RASGRF1: variants seen among roughly 807,000 people sequenced by gnomAD.
RASGRF1 encodes Ras protein specific guanine nucleotide releasing factor 1.
A neutral mutation model predicts 138.7 loss-of-function variants in RASGRF1; 40 were observed. That is an observed-to-expected ratio of 0.29 (90% CI 0.22 to 0.38). The LOEUF is 0.38. Ranked by LOEUF, RASGRF1 falls within the 10% of genes least tolerant of loss-of-function variation. The pLI is 1.00. For synonymous variants in RASGRF1, 614 were observed against 663.2 expected (o/e 0.93, Z 1.14); for missense variants, 1,108 against 1,650.4 (o/e 0.67, Z 5.69).
chr15:79,010,187 C>T (rs2056769004), intron 13 of RASGRF1, among the ~76,000 whole-genome samples: 1 of 152,012 alleles, frequency 6.6e-6, no homozygotes, highest in South Asian at 2.1e-4. Context: ...CAGGCATGCA[C>T]CACAATGACC....
chr15:79,013,744 C>T (rs1399834709), intron 13 of RASGRF1, among the ~76,000 whole-genome samples: 3 of 152,026 alleles, frequency 2.0e-5, no homozygotes, highest in Non-Finnish European at 4.4e-5. Context: ...GGGGGTTAGG[C>T]GTGCAGGTGA....
chr15:78,973,370 G>A lies in RASGRF1; in HGVS notation c.3545C>T (p.Ala1182Val). The change falls in exon 25 of 27, where the codon GCC becomes GTC. Residue 1182 changes from alanine to valine, a missense_variant. Coordinates refer to ENST00000558480, the MANE Select transcript of RASGRF1 (RefSeq NM_001145648.3). The surrounding 1 kb of genome is among the most constrained non-coding windows in gnomAD (Gnocchi z 4.9). ...PYLGMYLTDL[A>V]FIEEGTPNYT... ...ATTGGGCGTCCCCTCCTCGATGAAG[G>A]CCAGGTCGGTGAGGTACATCCCCAG... 1.9e-6 allele frequency: 3 copies of A among 1,613,952 alleles called. No homozygotes were observed. The highest frequency in any genetic ancestry group is 2.5e-6 in the Non-Finnish European group (3 of 1,179,904).
At chr15:79,020,013 C>T (rs2056937012) in intron 11 of RASGRF1, 28 bp downstream of exon 11, 2 of 1,612,358 alleles carry the variant, frequency 1.2e-6, no homozygotes, top group African/African-American at 2.7e-5. Context: ...CAAGCACACA[C>T]ATGCGCACAT....
chr15:78,985,775 A>T (rs1056524864), intron 22 of RASGRF1: 5 of 152,396 alleles, frequency 3.3e-5, no homozygotes, highest in Admixed American at 1.3e-4. Context: ...CACAAAAAAA[A>T]TTAGCTGGGC....
chr15:79,039,322 A>G (rs1245427286), intron 5 of RASGRF1, among the ~76,000 whole-genome samples: 3 of 140,076 alleles, frequency 2.1e-5, no homozygotes, highest in African/African-American at 5.4e-5. Context: ...AAAAAAAAAA[A>G]GAAAAATTCT....
chr15:79,021,982 C>CTT (rs111610063), intron 10 of RASGRF1, among the ~76,000 whole-genome samples: 5,421 of 152,272 alleles, frequency 0.036, 239 homozygotes, highest in African/African-American at 0.11. Flanking sequence ...CTCCTCACAG[C>CTT]ACTCCTGTAA....
chr15:78,964,006 T>C (rs543089940), intron 26 of RASGRF1, among the ~76,000 whole-genome samples: 2 of 152,188 alleles, frequency 1.3e-5, no homozygotes, highest in African/African-American at 4.8e-5. Context: ...TCAATTTTAG[T>C]AGAGACGGGG....
chr15:78,992,658 G>A (rs950254954), intron 20 of RASGRF1, among the ~76,000 whole-genome samples: 6 of 152,158 alleles, frequency 3.9e-5, no homozygotes, highest in Admixed American at 2.6e-4. Flanking sequence ...GGAGGAGAGC[G>A]GTCAACCCCT....
intron 12 of RASGRF1, among the ~76,000 whole-genome samples, chr15:79,015,621 T>G (rs116885677): frequency 0.011 from 1,690 of 152,372 alleles, 17 homozygotes; most frequent in Middle Eastern, 0.02. Flanking sequence ...CTTGGGGAAC[T>G]TACTTGACCT....
At chr15:79,013,551 T>C (rs974886225) in intron 13 of RASGRF1, among the ~76,000 whole-genome samples, 3 of 152,252 alleles carry the variant, frequency 2.0e-5, no homozygotes, top group African/African-American at 7.2e-5. Context: ...AGAGCATGTA[T>C]GTGAAGTAGC....
intron 1 of RASGRF1, among the ~76,000 whole-genome samples, chr15:79,074,613 C>T (rs2057807604): frequency 6.6e-6 from 1 of 152,158 alleles, no homozygotes; most frequent in South Asian, 2.1e-4. Flanking sequence ...CTGCATGGGC[C>T]AACTCAGAGC....
chr15:79,003,771 G>T (rs776354996), intron 15 of RASGRF1, 31 bp downstream of exon 15: 1 of 1,552,258 alleles, frequency 6.4e-7, no homozygotes, highest in Non-Finnish European at 8.7e-7. Flanking sequence ...CTGGGAGGCT[G>T]GGGGGCAGCT....
chr15:79,067,720 G>A (rs1174735275), intron 1 of RASGRF1, among the ~76,000 whole-genome samples: 1 of 152,188 alleles, frequency 6.6e-6, no homozygotes, highest in African/African-American at 2.4e-5. Flanking sequence ...TGGACTTTGG[G>A]TAGCAAGTAA....
intron 5 of RASGRF1, among the ~76,000 whole-genome samples, chr15:79,040,475 G>C (rs2057283012): frequency 6.6e-6 from 1 of 152,184 alleles, no homozygotes; most frequent in Non-Finnish European, 1.5e-5. Context: ...TGTAGGAACT[G>C]CCTCTGTCTG....
At chr15:79,059,371 A>ACCC in intron 2 of RASGRF1, among the ~76,000 whole-genome samples, 3 of 13,750 alleles carry the variant, frequency 2.2e-4, no homozygotes, top group Admixed American at 7.8e-4. Context: ...TCCCTTCCCA[A>ACCC]TCCTTCCCTT....
intron 26 of RASGRF1, among the ~76,000 whole-genome samples, chr15:78,966,343 C>G (rs57533456): frequency 0.053 from 7,844 of 146,858 alleles, 282 homozygotes; most frequent in East Asian, 0.19. Flanking sequence ...CTCAAGTGAT[C>G]TTTCTGCCTT....
At chr15:78,999,674 T>G in intron 17 of RASGRF1, 69 bp downstream of exon 17, 1 of 1,554,748 alleles carries the variant, frequency 6.4e-7, no homozygotes, top group South Asian at 1.1e-5. Context: ...CCCGGGACCA[T>G]GGCTGCTATC....
intron 14 of RASGRF1, chr15:79,004,866 G>A: frequency 2.0e-6 from 2 of 983,584 alleles, no homozygotes; most frequent in Non-Finnish European, 2.4e-6. Flanking sequence ...GTTGCCCCAG[G>A]ACGTAGGCAC....
chr15:79,070,977 G>T (rs1369650170), intron 1 of RASGRF1, among the ~76,000 whole-genome samples: 6 of 152,178 alleles, frequency 3.9e-5, no homozygotes, highest in African/African-American at 1.4e-4. Context: ...CAAGGCTCAG[G>T]GCAACCCTCC....
Sources: allele counts gnomAD v4.1 joint callset (sites outside exome capture counted in the v4.1 genomes callset), GRCh38; gene constraint gnomAD v4.1.1; non-coding constraint Gnocchi (gnomAD v3.1); transcripts MANE v1.5; gene names NCBI Gene and HGNC (gene_info 2026-07-23, HGNC 2026-07-21).